INPP4B: variants seen among roughly 807,000 people sequenced by gnomAD.
The protein encoded by INPP4B is inositol polyphosphate-4-phosphatase type II B.
Under a neutral mutation model 122.5 loss-of-function variants are expected in INPP4B, and 55 were observed. The ratio of observed to expected loss-of-function variants is 0.45; its 90% CI spans 0.36 to 0.56. The LOEUF is 0.56. Ranked by LOEUF, INPP4B falls within the 20% of genes least tolerant of loss-of-function variation. The pLI is 0.00. For synonymous variants in INPP4B, 403 were observed against 388.7 expected, an observed-to-expected ratio of 1.04 and a Z score of -0.43; for missense variants, 1,000 against 1,097.7, an observed-to-expected ratio of 0.91 and a Z score of 1.26.
chr4:142,650,191 T>G (rs1435394061), intron 2 of INPP4B, among the ~76,000 whole-genome samples: 1 of 152,216 alleles, frequency 6.6e-6, no homozygotes, highest in Non-Finnish European at 1.5e-5. Context: ...CCACCAGGCC[T>G]GCCTTGCAAG....
intron 2 of INPP4B, among the ~76,000 whole-genome samples, chr4:142,576,070 C>T (rs892299504): frequency 2.6e-5 from 4 of 151,980 alleles, no homozygotes; most frequent in Non-Finnish European, 4.4e-5. Context: ...CAATAGCCTA[C>T]GAGTAACACA....
chr4:142,033,185 T>C (rs1040547261), intron 25 of INPP4B, among the ~76,000 whole-genome samples: 5 of 152,222 alleles, frequency 3.3e-5, no homozygotes, highest in African/African-American at 1.2e-4. Flanking sequence ...ATTGTTAACC[T>C]GACCAATTCA....
chr4:142,194,583 G>C (rs1414800522), intron 14 of INPP4B, among the ~76,000 whole-genome samples: 1 of 152,094 alleles, frequency 6.6e-6, no homozygotes, highest in Non-Finnish European at 1.5e-5. Flanking sequence ...CAAGCTAACT[G>C]CTTTGTCCAT....
chr4:142,830,476 G>A (rs958611174), intron 1 of INPP4B, among the ~76,000 whole-genome samples: 3 of 152,070 alleles, frequency 2.0e-5, no homozygotes, highest in African/African-American at 4.8e-5. Context: ...GCTCTGCCAC[G>A]GAAGAGAAAA....
chr4:142,510,090 G>T (rs1824521394), intron 2 of INPP4B, among the ~76,000 whole-genome samples: 1 of 152,148 alleles, frequency 6.6e-6, no homozygotes, highest in Non-Finnish European at 1.5e-5. Context: ...TAGACATGCT[G>T]AGTCACTTTG....
chr4:142,232,103 T>A (rs1854630015), intron 12 of INPP4B, among the ~76,000 whole-genome samples: 1 of 152,198 alleles, frequency 6.6e-6, no homozygotes, highest in African/African-American at 2.4e-5. Context: ...ATATTTACTA[T>A]CTTGCCCTTT....
chr4:142,336,444 G>A (rs945035460), intron 7 of INPP4B, among the ~76,000 whole-genome samples: 31 of 152,306 alleles, frequency 2.0e-4, no homozygotes, highest in African/African-American at 6.0e-4. Flanking sequence ...GCCCCTATCC[G>A]CCAAGCCACG....
chr4:142,114,446 C>T lies in INPP4B; in HGVS notation c.2136-1764G>A, dbSNP rs1407872492. On this transcript the variant is annotated intron_variant, in intron 21 of 25. Coordinates refer to ENST00000262992, the MANE Select transcript of INPP4B (RefSeq NM_001101669.3). ...TTTTCCACATCCTCACCAACATTTGCTCTTATCTGATGATTCTAGTGTGAA... is the reference window on the plus strand; with the variant it reads ...TTTTCCACATCCTCACCAACATTTGTTCTTATCTGATGATTCTAGTGTGAA... Among the ~76,000 whole-genome samples, 3 of 152,112 alleles carry T rather than the reference C, an allele frequency of 2.0e-5. 1 individual carries two copies. The highest frequency in any genetic ancestry group is 4.4e-5 in the Non-Finnish European group (3 of 67,972).
chr4:142,121,621 T>C (rs760064299), intron 21 of INPP4B, among the ~76,000 whole-genome samples: 1 of 152,126 alleles, frequency 6.6e-6, no homozygotes, highest in South Asian at 2.1e-4. Context: ...AAGCTATTTA[T>C]TGAAAACCCT....
chr4:142,536,468 TATC>T (rs769523510), intron 2 of INPP4B, among the ~76,000 whole-genome samples: 1 of 152,200 alleles, frequency 6.6e-6, no homozygotes, highest in African/African-American at 2.4e-5. Flanking sequence ...CAAAAGGCTA[TATC>T]ATCATCATTT....
chr4:142,119,488 C>G lies in INPP4B; in HGVS notation c.2135+2640G>C, dbSNP rs868763741. 2.6e-5 allele frequency among the ~76,000 whole-genome samples: 4 copies of G among 151,912 alleles called. 1 individual carries two copies. In the South Asian group the frequency reaches 8.3e-4, roughly 32 times the overall value. ...GCCATAAAAAAAGATGAGTTCATGT[C>G]CTTTGTAGGGATATGGATGAAGGTG... On this transcript the variant is annotated intron_variant, in intron 21 of 25. Transcript: ENST00000262992.
intron 25 of INPP4B, among the ~76,000 whole-genome samples, chr4:142,032,908 C>G (rs1741252026): frequency 6.6e-6 from 1 of 151,084 alleles, no homozygotes; most frequent in African/African-American, 2.4e-5. Context: ...TACCCAGAAA[C>G]TTTTTAATTA....
chr4:142,330,146 C>T lies in INPP4B; in HGVS notation c.373-15384G>A, dbSNP rs1391174018. On this transcript the variant is annotated intron_variant, in intron 7 of 25. Transcript: ENST00000262992. ...AAATATCTTCATTGTTACTTATCTG[C>T]ATTTGAATCATATCAGCAAGCAATG... 2.0e-5 allele frequency among the ~76,000 whole-genome samples: 3 copies of T among 152,096 alleles called. 1 individual carries two copies. The highest frequency in any genetic ancestry group is 1.3e-4 in the Admixed American group (2 of 15,270).
Position 142,535,565 on chromosome 4 carries a change from G to A in INPP4B, c.-190-72839C>T, listed in dbSNP as rs115667346. The stretch of plus-strand genomic sequence containing the variant: ...GCAAGAACACTAATTGAGCTATAGC[G>A]AATCTCTCACATGTAATAAATGGCT... On this transcript the variant is annotated intron_variant, in intron 2 of 25. Coordinates refer to ENST00000262992, the MANE Select transcript of INPP4B (RefSeq NM_001101669.3). Among the ~76,000 whole-genome samples, 420 of 152,188 alleles carry A rather than the reference G, an allele frequency of 2.8e-3. 4 individuals carry two copies. The highest frequency in any genetic ancestry group is 9.8e-3 in the African/African-American group (407 of 41,530).
At chr4:142,138,929 G>T (rs1806204722) in intron 18 of INPP4B, among the ~76,000 whole-genome samples, 3 of 152,140 alleles carry the variant, frequency 2.0e-5, no homozygotes, top group African/African-American at 7.2e-5. Context: ...GGCCAATAAA[G>T]ATTTTGCTCA....
intron 23 of INPP4B, among the ~76,000 whole-genome samples, chr4:142,086,918 T>A (rs1777133825): frequency 6.6e-6 from 1 of 152,176 alleles, no homozygotes; most frequent in African/African-American, 2.4e-5. Flanking sequence ...TTTTTGCCAT[T>A]GAGTAGCTAG....
intron 2 of INPP4B, among the ~76,000 whole-genome samples, chr4:142,603,739 G>A (rs887442191): frequency 1.3e-5 from 2 of 152,026 alleles, no homozygotes; most frequent in South Asian, 2.1e-4. Flanking sequence ...TCCAAAGAAA[G>A]AGAAGCCCAA....
chr4:142,550,080 G>C (rs568617933), intron 2 of INPP4B, among the ~76,000 whole-genome samples: 1 of 152,096 alleles, frequency 6.6e-6, no homozygotes, highest in Non-Finnish European at 1.5e-5. Context: ...AGGCTCCCAG[G>C]GGGTAAATGA....
intron 1 of INPP4B, among the ~76,000 whole-genome samples, chr4:142,748,345 T>A (rs331958): frequency 0.23 from 35,329 of 151,638 alleles, 4,381 homozygotes; most frequent in South Asian, 0.35. Context: ...GGAAGAGCAA[T>A]TTGAACCCAA....
Sources: gnomAD v4.1 joint callset for allele counts (sites outside exome capture counted in the v4.1 genomes callset) on GRCh38, gnomAD v4.1.1 for gene constraint, MANE v1.5 for transcripts, NCBI Gene and HGNC (gene_info 2026-07-23, HGNC 2026-07-21) for gene names.